The following ST7L variants were observed in gnomAD, a reference collection of about 807,000 sequenced individuals.
ST7L encodes the protein suppression of tumorigenicity 7 like, also known as suppressor of tumorigenicity 7 protein-like.
A neutral mutation model predicts 72.5 loss-of-function variants in ST7L; 57 were observed. The observed-to-expected ratio is 0.79, with a 90% CI of 0.64 to 0.98. The LOEUF (loss-of-function observed/expected upper bound fraction) is 0.98. Ranked by LOEUF, ST7L falls within the 50% of genes least tolerant of loss-of-function variation. The pLI is 0.00. For synonymous variants in ST7L, 221 were observed against 240.9 expected (o/e 0.92, Z 0.77); for missense variants, 576 against 672.2 (o/e 0.86, Z 1.58).
At chr1:112,613,208 ATGAG>A (rs764192377) in intron 2 of ST7L, among the ~76,000 whole-genome samples, 5 of 152,198 alleles carry the variant, frequency 3.3e-5, no homozygotes, top group Non-Finnish European at 5.9e-5. Context: ...TTTCTAATGA[ATGAG>A]TATGAAGTTA....
At chr1:112,566,837 T>C (rs34649135) in intron 11 of ST7L, among the ~76,000 whole-genome samples, 7 of 152,212 alleles carry the variant, frequency 4.6e-5, no homozygotes, top group African/African-American at 1.4e-4. Context: ...CACTGTATTG[T>C]AACTTACTTA....
At chr1:112,594,182 G>T (rs2101974188) in intron 5 of ST7L, among the ~76,000 whole-genome samples, 1 of 133,096 alleles carries the variant, frequency 7.5e-6, no homozygotes, top group Non-Finnish European at 1.6e-5. Context: ...TCACTGCAAA[G>T]ATATGTTCCT....
chr1:112,548,119 C>A (rs1213218274), intron 13 of ST7L, among the ~76,000 whole-genome samples: 1 of 151,982 alleles, frequency 6.6e-6, no homozygotes, highest in Non-Finnish European at 1.5e-5. Flanking sequence ...CTTTGGGAGG[C>A]CAAGGCGGGT....
chr1:112,585,555 C>A (rs963705607), intron 6 of ST7L, among the ~76,000 whole-genome samples: 1 of 151,936 alleles, frequency 6.6e-6, no homozygotes, highest in African/African-American at 2.4e-5. Flanking sequence ...ACGGTGAAAC[C>A]CTGTCTCTAC....
intron 12 of ST7L, 96 bp downstream of exon 12, chr1:112,555,772 C>G: frequency 3.3e-6 from 4 of 1,220,548 alleles, no homozygotes; most frequent in Non-Finnish European, 4.4e-6. Flanking sequence ...ACGACAAATC[C>G]TTATGGAAAC....
At chr1:112,576,445 T>A (rs1663123074) in intron 11 of ST7L, among the ~76,000 whole-genome samples, 1 of 152,170 alleles carries the variant, frequency 6.6e-6, no homozygotes, top group Non-Finnish European at 1.5e-5. Flanking sequence ...AGCAATAATT[T>A]GTATAACTGC....
chr1:112,617,026 A>C (rs1669992163), intron 1 of ST7L, 131 bp from the exon 2 acceptor site: 1 of 580,976 alleles, frequency 1.7e-6, no homozygotes, highest in Non-Finnish European at 3.0e-6. Flanking sequence ...TCACTTGAAA[A>C]AGTTTTAATT....
intron 3 of ST7L, among the ~76,000 whole-genome samples, chr1:112,606,535 C>T (rs757540545): frequency 5.3e-5 from 8 of 152,204 alleles, no homozygotes; most frequent in Non-Finnish European, 1.2e-4. Flanking sequence ...GTGTGTACCT[C>T]AAAACTCTTC....
intron 5 of ST7L, among the ~76,000 whole-genome samples, chr1:112,593,303 A>C (rs1016523691): frequency 6.6e-6 from 1 of 152,192 alleles, no homozygotes; most frequent in Non-Finnish European, 1.5e-5. Context: ...TTCTAAAATA[A>C]GGCTTAGGAG....
chr1:112,541,413 G>A (rs1311572273), intron 14 of ST7L, among the ~76,000 whole-genome samples: 2 of 152,072 alleles, frequency 1.3e-5, no homozygotes, highest in Admixed American at 6.6e-5. Flanking sequence ...ACTACACATG[G>A]TTCTATATCC....
chr1:112,611,507 C>A (rs1669060065), intron 2 of ST7L, among the ~76,000 whole-genome samples: 1 of 152,134 alleles, frequency 6.6e-6, no homozygotes. Flanking sequence ...TAAGAAAGTG[C>A]TTTCTGAAGC....
intron 11 of ST7L, among the ~76,000 whole-genome samples, chr1:112,556,949 A>G: frequency 7.5e-6 from 1 of 133,866 alleles, no homozygotes; most frequent in Non-Finnish European, 1.6e-5. Context: ...GCCTGGCGAC[A>G]GAGCGAGACT....
At chr1:112,613,533 T>C (rs535632147) in intron 2 of ST7L, among the ~76,000 whole-genome samples, 6 of 152,362 alleles carry the variant, frequency 3.9e-5, no homozygotes, top group African/African-American at 1.4e-4. Context: ...TATGTGATTA[T>C]ATGTATATAC....
chr1:112,539,501 CA>C (rs1274484539), intron 14 of ST7L, among the ~76,000 whole-genome samples: 2 of 151,934 alleles, frequency 1.3e-5, no homozygotes, highest in African/African-American at 4.8e-5. Context: ...ACTAAAAATA[CA>C]AAAGTTAGCT....
chr1:112,543,051 C>T (rs772708783), intron 13 of ST7L, among the ~76,000 whole-genome samples: 4 of 152,080 alleles, frequency 2.6e-5, no homozygotes, highest in African/African-American at 9.7e-5. Context: ...CCGTCCACCT[C>T]GGCCTCCCAA....
intron 3 of ST7L, among the ~76,000 whole-genome samples, chr1:112,605,088 C>CA (rs35373735): frequency 0.39 from 23,404 of 60,638 alleles, 3,202 homozygotes; most frequent in African/African-American, 0.44. Flanking sequence ...ACTCCGGCTC[C>CA]AAAAAAAAAA....
At chr1:112,585,990 T>TA (rs1375224020) in intron 6 of ST7L, among the ~76,000 whole-genome samples, 5 of 152,124 alleles carry the variant, frequency 3.3e-5, no homozygotes, top group African/African-American at 1.2e-4. Flanking sequence ...GTTCTTCAGT[T>TA]ATAGAAAATG....
chr1:112,568,359 CG>C (rs912118420), intron 11 of ST7L, among the ~76,000 whole-genome samples: 1 of 122,942 alleles, frequency 8.1e-6, no homozygotes, highest in African/African-American at 3.3e-5. Context: ...TTTTGTGAGA[CG>C]GAGTCTTGCT....
chr1:112,523,198 A>C (rs1462657246), downstream of ST7L: 1 of 152,232 alleles, frequency 6.6e-6, no homozygotes, highest in Non-Finnish European at 1.5e-5. Context: ...CTGTGGAAGG[A>C]AATGGGCCTC....
Sources: allele counts gnomAD v4.1 joint callset (sites outside exome capture counted in the v4.1 genomes callset), GRCh38; gene constraint gnomAD v4.1.1; transcripts MANE v1.5; gene names NCBI Gene and HGNC (gene_info 2026-07-23, HGNC 2026-07-21).